Variants in GLI2 observed in about 807,000 individuals in gnomAD.
The protein encoded by GLI2 is GLI family zinc finger 2, also known as transcription activator GLI2.
GLI2 carries 22 observed loss-of-function variants against 78.9 expected under a neutral mutation model. That is an observed-to-expected ratio of 0.28 (90% CI 0.20 to 0.40). The LOEUF is 0.40. GLI2 is among the 10% of genes least tolerant of loss of function. The pLI is 1.00. For synonymous variants in GLI2, 974 were observed against 963.7 expected, an observed-to-expected ratio of 1.01 and a Z score of -0.20; for missense variants, 2,097 against 2,213.2, an observed-to-expected ratio of 0.95 and a Z score of 1.05.
At chr2:120,758,176 C>T (rs1035172089) in intron 1 of GLI2, among the ~76,000 whole-genome samples, 2 of 152,162 alleles carry the variant, frequency 1.3e-5, no homozygotes, top group East Asian at 1.9e-4. Flanking sequence ...TTATCCGGGC[C>T]GCCTGGCCTT....
chr2:120,916,264 A>G (rs150434469), intron 2 of GLI2, among the ~76,000 whole-genome samples: 112 of 152,360 alleles, frequency 7.4e-4, no homozygotes, highest in African/African-American at 2.6e-3. Context: ...CGAGGACGCC[A>G]GCAAGAGATG....
chr2:120,895,936 C>T (rs1186679528), intron 2 of GLI2, among the ~76,000 whole-genome samples: 2 of 152,204 alleles, frequency 1.3e-5, no homozygotes, highest in Non-Finnish European at 2.9e-5. Flanking sequence ...GTCATTAGAG[C>T]TATTTCTTGC....
chr2:120,788,285 A>G (rs1684053393), intron 1 of GLI2, among the ~76,000 whole-genome samples: 1 of 152,204 alleles, frequency 6.6e-6, no homozygotes, highest in African/African-American at 2.4e-5. Flanking sequence ...TCACAGCACA[A>G]AGAGGTTGGT....
At chr2:120,770,249 C>T (rs1222055507) in intron 1 of GLI2, among the ~76,000 whole-genome samples, 1 of 152,244 alleles carries the variant, frequency 6.6e-6, no homozygotes, top group South Asian at 2.1e-4. Context: ...ATCCCCCACC[C>T]CCAGCCTCCT....
intron 2 of GLI2, among the ~76,000 whole-genome samples, chr2:120,869,261 G>T (rs1454307739): frequency 6.6e-6 from 1 of 152,192 alleles, no homozygotes; most frequent in East Asian, 1.9e-4. Flanking sequence ...TGTGGTCAGG[G>T]GGCTGGGCCC....
chr2:120,884,696 G>A (rs938454313), intron 2 of GLI2, among the ~76,000 whole-genome samples: 7 of 152,152 alleles, frequency 4.6e-5, no homozygotes, highest in South Asian at 2.1e-4. Context: ...CAGTTCACCC[G>A]CCCCTAAGCT....
At chr2:120,855,588 G>A (rs532435877) in intron 2 of GLI2, among the ~76,000 whole-genome samples, 3 of 152,320 alleles carry the variant, frequency 2.0e-5, no homozygotes, top group South Asian at 2.1e-4. Flanking sequence ...TCCCAAAGAC[G>A]CTCTCCAGAG....
chr2:120,829,458 C>T (rs1686251714), intron 2 of GLI2, among the ~76,000 whole-genome samples: 1 of 152,156 alleles, frequency 6.6e-6, no homozygotes, highest in African/African-American at 2.4e-5. Context: ...AGCCCAGCCA[C>T]TTAACAGCTG....
rs548882919 is a variant in GLI2, at chr2:120,878,226, T to C, written c.149-49135T>C. 4.6e-5 allele frequency among the ~76,000 whole-genome samples: 7 copies of C among 152,218 alleles called. No individual in the cohort carries two copies. The South Asian group carries it at 8.3e-4, about 18-fold the overall frequency. Reference sequence around the variant, plus strand: ...AGATATTCATTATGTGTATCCTCCCTCCCAGGGGCAGAGCAAGGAAGTCAA... The same window carrying C: ...AGATATTCATTATGTGTATCCTCCCCCCCAGGGGCAGAGCAAGGAAGTCAA... On this transcript the variant is annotated intron_variant, in intron 2 of 13. Coordinates refer to ENST00000361492, the MANE Select transcript of GLI2 (RefSeq NM_001374353.1).
chr2:120,908,799 G>T (rs1191811371), intron 2 of GLI2, among the ~76,000 whole-genome samples: 1 of 152,234 alleles, frequency 6.6e-6, no homozygotes, highest in Non-Finnish European at 1.5e-5. Flanking sequence ...AGGGTGGGTG[G>T]TTTGGTTTGG....
chr2:120,812,097 G>A (rs1050481141), intron 2 of GLI2, among the ~76,000 whole-genome samples: 2 of 152,176 alleles, frequency 1.3e-5, no homozygotes, highest in Non-Finnish European at 2.9e-5. Context: ...CCTTGAGACA[G>A]GAACACTTTT....
At chr2:120,789,029 CTTTCTTTT>C (rs570365122) in intron 1 of GLI2, among the ~76,000 whole-genome samples, 1,821 of 135,514 alleles carry the variant, frequency 0.013, 38 homozygotes, top group African/African-American at 0.055. Flanking sequence ...TTATTTCTTT[CTTTCTTTT>C]TTTTTTTTTT....
intron 2 of GLI2, among the ~76,000 whole-genome samples, chr2:120,902,019 C>T (rs572125635): frequency 8.2e-4 from 124 of 151,962 alleles, no homozygotes; most frequent in South Asian, 1.2e-3. Context: ...TTGGCAGTTG[C>T]GTGCTGGAGC....
At chr2:120,917,062 T>C (rs1679138282) in intron 2 of GLI2, among the ~76,000 whole-genome samples, 1 of 152,144 alleles carries the variant, frequency 6.6e-6, no homozygotes, top group South Asian at 2.1e-4. Context: ...CCAGAATAAA[T>C]GGCCAGAAGC....
At chr2:120,839,996 G>A (rs985548190) in intron 2 of GLI2, among the ~76,000 whole-genome samples, 4 of 151,958 alleles carry the variant, frequency 2.6e-5, no homozygotes, top group Admixed American at 1.3e-4. Flanking sequence ...TTCTTTCTTA[G>A]GTGTGCTTTG....
Position 120,839,352 on chromosome 2 carries a change from G to A in GLI2, c.148+41884G>A, listed in dbSNP as rs531253519. ...CGTTTTTTAAAAAATTACTAATTCA[G>A]TTTATTTAATGGTTAGAGGTAATTC... On this transcript the variant is annotated intron_variant, in intron 2 of 13. Transcript: ENST00000361492. 6.2e-4 allele frequency among the ~76,000 whole-genome samples: 94 copies of A among 152,242 alleles called. 1 individual carries two copies. In the Middle Eastern group the frequency reaches 0.01, roughly 17 times the overall value.
In GLI2 at chr2:120,906,564, G is replaced by A. The variant is rs369776997; in HGVS notation, c.149-20797G>A. 5.3e-5 allele frequency among the ~76,000 whole-genome samples: 8 copies of A among 151,992 alleles called. No homozygotes were observed. The South Asian group carries it at 1.0e-3, about 20-fold the overall frequency. Reference sequence around the variant, plus strand: ...TTACACACTGGCCGTGTACAATCTCGTCCTCCTTCAAGGTCGCAGCCACCA... The same window carrying A: ...TTACACACTGGCCGTGTACAATCTCATCCTCCTTCAAGGTCGCAGCCACCA... On this transcript the variant is annotated intron_variant, in intron 2 of 13. Transcript: ENST00000361492.
At chr2:120,897,994 A>G (rs999155454) in intron 2 of GLI2, among the ~76,000 whole-genome samples, 1 of 152,014 alleles carries the variant, frequency 6.6e-6, no homozygotes, top group Non-Finnish European at 1.5e-5. Flanking sequence ...TGGGAACTGC[A>G]CCTTTCTGCT....
chr2:120,757,473 T>C (rs1683068320), intron 1 of GLI2, among the ~76,000 whole-genome samples: 1 of 152,242 alleles, frequency 6.6e-6, no homozygotes, highest in African/African-American at 2.4e-5. Flanking sequence ...TGTGTGACTT[T>C]TGAGGTTTTC....
Sources: allele counts gnomAD v4.1 joint callset (sites outside exome capture counted in the v4.1 genomes callset), GRCh38; gene constraint gnomAD v4.1.1; transcripts MANE v1.5; gene names NCBI Gene and HGNC (gene_info 2026-07-23, HGNC 2026-07-21).